SLCO3A1: variants seen among roughly 807,000 people sequenced by gnomAD.
SLCO3A1 encodes PGE1 transporter.
SLCO3A1 carries 27 observed loss-of-function variants against 63.1 expected under a neutral mutation model. The ratio of observed to expected loss-of-function variants is 0.43; its 90% CI spans 0.32 to 0.59. The LOEUF is 0.59. Ranked by LOEUF, SLCO3A1 falls within the 20% of genes least tolerant of loss-of-function variation. The probability of loss-of-function intolerance (pLI) is 0.09; values close to 1 mark genes in which losing one functional copy is unlikely to be tolerated. For synonymous variants in SLCO3A1, 473 were observed against 409.9 expected, an observed-to-expected ratio of 1.15 and a Z score of -1.86; for missense variants, 773 against 945.8, an observed-to-expected ratio of 0.82 and a Z score of 2.40.
At chr15:92,062,837 C>T (rs191982075) in intron 2 of SLCO3A1, among the ~76,000 whole-genome samples, 163 of 152,318 alleles carry the variant, frequency 1.1e-3, no homozygotes, top group African/African-American at 3.7e-3. Flanking sequence ...AGTGTCCAAC[C>T]TTTCTCCCAC....
chr15:91,896,374 C>G (rs9921044), intron 1 of SLCO3A1, among the ~76,000 whole-genome samples: 6,923 of 152,236 alleles, frequency 0.045, 431 homozygotes, highest in African/African-American at 0.14. Flanking sequence ...GTCACGATTG[C>G]TTCTCTGAGG....
At chr15:92,081,290 C>T (rs1300852652) in intron 2 of SLCO3A1, among the ~76,000 whole-genome samples, 1 of 152,028 alleles carries the variant, frequency 6.6e-6, no homozygotes, top group East Asian at 1.9e-4. Context: ...CTCCCAAATG[C>T]ATTTTGGGTA....
chr15:91,921,854 C>G (rs768621708), intron 2 of SLCO3A1, among the ~76,000 whole-genome samples: 2 of 152,004 alleles, frequency 1.3e-5, no homozygotes, highest in Non-Finnish European at 2.9e-5. Context: ...CTCATCCTCC[C>G]GAGTAGCTGA....
At chr15:92,011,977 C>A (rs536453235) in intron 2 of SLCO3A1, among the ~76,000 whole-genome samples, 73 of 152,364 alleles carry the variant, frequency 4.8e-4, no homozygotes, top group African/African-American at 1.6e-3. Context: ...CTTGTCACAG[C>A]TGAAGGTGAG....
At chr15:92,040,019 A>G (rs2046778507) in intron 2 of SLCO3A1, among the ~76,000 whole-genome samples, 1 of 152,160 alleles carries the variant, frequency 6.6e-6, no homozygotes. Context: ...AGCAGTGAGA[A>G]CACATGCACA....
intron 2 of SLCO3A1, among the ~76,000 whole-genome samples, chr15:92,084,033 C>A (rs1291098215): frequency 1.3e-5 from 2 of 152,166 alleles, no homozygotes; most frequent in African/African-American, 4.8e-5. Context: ...TTGGTTTATC[C>A]TCAGTCATCC....
intron 1 of SLCO3A1, among the ~76,000 whole-genome samples, chr15:91,915,203 T>C (rs946746841): frequency 5.9e-5 from 9 of 152,192 alleles, no homozygotes; most frequent in Non-Finnish European, 1.3e-4. Flanking sequence ...AGATGGCTTC[T>C]TCAGGCCAGA....
intron 2 of SLCO3A1, among the ~76,000 whole-genome samples, chr15:91,919,472 C>T (rs1162517109): frequency 6.6e-6 from 1 of 152,228 alleles, no homozygotes; most frequent in Non-Finnish European, 1.5e-5. Flanking sequence ...ACTCACAGTG[C>T]AGCCAGACGG....
At chr15:92,032,740 A>G (rs1023274027) in intron 2 of SLCO3A1, among the ~76,000 whole-genome samples, 1 of 152,094 alleles carries the variant, frequency 6.6e-6, no homozygotes, top group Non-Finnish European at 1.5e-5. Context: ...AAATTTGGGG[A>G]AAGCAGGCCA....
Position 92,138,295 on chromosome 15 carries a change from C to T in SLCO3A1, c.1513-8689C>T, listed in dbSNP as rs1299286734. ...AGATCAGATAGTTGTAGATATGTGG[C>T]GTTATTTCTGAGGGCTCTGTTCTGT... On this transcript the variant is annotated intron_variant, in intron 7 of 9. Transcript: ENST00000318445. 2.6e-4 allele frequency among the ~76,000 whole-genome samples: 22 copies of T among 83,174 alleles called. 2 individuals carry two copies. Among genetic ancestry groups the T allele is most frequent in the Non-Finnish European group, 4.3e-4 (20 of 46,736 alleles). The allele number at this position is 83,174 out of a possible 152,430, so 54.6% of individuals were successfully genotyped here.
intron 2 of SLCO3A1, among the ~76,000 whole-genome samples, chr15:92,012,397 T>A (rs558447283): frequency 6.6e-6 from 1 of 152,240 alleles, no homozygotes; most frequent in East Asian, 1.9e-4. Context: ...AGCCCACAGT[T>A]CTGGGAATTT....
intron 1 of SLCO3A1, among the ~76,000 whole-genome samples, chr15:91,868,516 G>A (rs898511227): frequency 2.6e-5 from 4 of 152,110 alleles, no homozygotes; most frequent in Admixed American, 6.5e-5. Context: ...ACATTTTGGC[G>A]TGAGTCCTTT....
At chr15:92,126,698 C>T (rs747594133) in intron 6 of SLCO3A1, among the ~76,000 whole-genome samples, 20 of 151,990 alleles carry the variant, frequency 1.3e-4, no homozygotes, top group Non-Finnish European at 1.8e-4. Flanking sequence ...TTAAGTGTAG[C>T]GAGGGAAAGG....
At chr15:92,136,828 C>T (rs1225838827) in intron 7 of SLCO3A1, among the ~76,000 whole-genome samples, 3 of 152,158 alleles carry the variant, frequency 2.0e-5, no homozygotes, top group Non-Finnish European at 4.4e-5. Context: ...ATAAAAGGCC[C>T]TATTCTGTAC....
At position 92,110,899 on chromosome 15, in the gene SLCO3A1, T is replaced by C. The variant is rs530173972; in HGVS notation, c.1009+6357T>C. 3.3e-5 allele frequency among the ~76,000 whole-genome samples: 5 copies of C among 152,128 alleles called. No homozygotes were observed. In the South Asian group the frequency reaches 1.0e-3, roughly 32 times the overall value. On this transcript the variant is annotated intron_variant, in intron 4 of 9. Coordinates refer to ENST00000318445, the MANE Select transcript of SLCO3A1 (RefSeq NM_013272.4). ...ATAGACTTGGCAAGAGCTTCAGGTG[T>C]CCTGAGTGCCACCACCAGCCCACAT...
At chr15:91,873,863 T>A (rs1403098491) in intron 1 of SLCO3A1, among the ~76,000 whole-genome samples, 1 of 152,230 alleles carries the variant, frequency 6.6e-6, no homozygotes, top group Non-Finnish European at 1.5e-5. Context: ...CACAAACCAA[T>A]TCAAGATCAT....
In SLCO3A1 at chr15:91,856,177, T is replaced by C. The variant is rs532022230; in HGVS notation, c.180+2089T>C. ...GAATTCGGTCCACCTGGTGGCGGCA[T>C]CCTGGCACTTCTAGCCTTCGCTGAT... is the stretch of plus-strand genomic sequence containing the variant. On this transcript the variant is annotated intron_variant, in intron 1 of 9. Transcript: ENST00000318445. The surrounding 1 kb of genome is among the most constrained non-coding windows in gnomAD (Gnocchi z 4.9). 2.1e-4 allele frequency among the ~76,000 whole-genome samples: 32 copies of C among 152,132 alleles called. No individual in the cohort carries two copies. Among genetic ancestry groups the C allele is most frequent in the Admixed American group, 8.5e-4 (13 of 15,290 alleles).
At chr15:91,925,259 A>G (rs539788600) in intron 2 of SLCO3A1, among the ~76,000 whole-genome samples, 1 of 152,162 alleles carries the variant, frequency 6.6e-6, no homozygotes, top group East Asian at 1.9e-4. Flanking sequence ...TGTCCTTTTC[A>G]CCTACAAGAA....
Position 92,163,891 on chromosome 15 carries a change from G to A in SLCO3A1, c.*756G>A, listed in dbSNP as rs2048471110. ...GGGGGCCAGCACCTCCCAGTGGCGG[G>A]CATCCACCTTCCCCCAGCCCCACAG... On this transcript the variant is annotated 3_prime_UTR_variant, in exon 10 of 10. Coordinates refer to ENST00000318445, the MANE Select transcript of SLCO3A1 (RefSeq NM_013272.4). 1.0e-6 allele frequency: 1 copy of A among 985,618 alleles called. No individual in the cohort carries two copies. The highest frequency in any genetic ancestry group is 1.7e-5 in the African/African-American group (1 of 57,370). The allele number at this position is 985,618 out of a possible 1,614,324, so 61.1% of individuals were successfully genotyped here.
Sources: allele counts gnomAD v4.1 joint callset (sites outside exome capture counted in the v4.1 genomes callset), GRCh38; gene constraint gnomAD v4.1.1; non-coding constraint Gnocchi (gnomAD v3.1); transcripts MANE v1.5; gene names NCBI Gene and HGNC (gene_info 2026-07-23, HGNC 2026-07-21).